Variants in MPDZ observed in about 807,000 individuals in gnomAD.
MPDZ encodes multiple PDZ domain protein.
In MPDZ, 234 loss-of-function variants were observed where a neutral mutation model predicts 239.1. The observed-to-expected ratio is 0.98, with a 90% CI of 0.88 to 1.09. The LOEUF is 1.09. Among genes scored for constraint, MPDZ ranks in the 50% least tolerant of loss-of-function variants. The pLI, the probability that MPDZ is intolerant of heterozygous loss-of-function variation, is 0.00. For missense variants in MPDZ, 3,175 were observed against 2,510.0 expected (o/e 1.26, Z -5.66); for synonymous variants, 1,048 against 881.3 (o/e 1.19, Z -3.35).
chr9:13,161,447 T>A (rs1950478806), intron 23 of MPDZ, among the ~76,000 whole-genome samples: 1 of 152,054 alleles, frequency 6.6e-6, no homozygotes, highest in African/African-American at 2.4e-5. Context: ...GGTGGACACC[T>A]GTAATCCCAG....
At chr9:13,187,519 G>T (rs1031085091) in intron 17 of MPDZ, among the ~76,000 whole-genome samples, 1 of 151,940 alleles carries the variant, frequency 6.6e-6, no homozygotes, top group Non-Finnish European at 1.5e-5. Flanking sequence ...TTACAAGCCT[G>T]GTTCGATTTC....
intron 1 of MPDZ, among the ~76,000 whole-genome samples, chr9:13,252,359 A>C (rs1242618789): frequency 1.3e-5 from 2 of 151,932 alleles, no homozygotes; most frequent in African/African-American, 4.8e-5. Flanking sequence ...CGAGGTCAGG[A>C]GATCCAGACC....
rs1959903011 is a variant in MPDZ at position 13,224,543 on chromosome 9, G to T, written c.224C>A (p.Ala75Asp). Residue 75 changes from alanine to aspartate, a missense_variant, in exon 4 of 47, where the codon GCC becomes GAC. Physicochemically the swap from Ala to Asp is moderately radical, Grantham distance 126 (BLOSUM62 -2). Coordinates refer to ENST00000319217, the MANE Select transcript of MPDZ (RefSeq NM_001378778.1). ...AGCTGGGCTGAGATGAGGAACGTGGGCATATTCAATATTTGAAGTTGCTGA... is the reference window on the plus strand; with the variant it reads ...AGCTGGGCTGAGATGAGGAACGTGGTCATATTCAATATTTGAAGTTGCTGA... ...ATSATSNIEY[A>D]HVPHLSPAVI... is the part of the protein sequence containing the mutation. 2 of 1,611,892 alleles carry T rather than the reference G, an allele frequency of 1.2e-6. No individual in the cohort carries two copies. The highest frequency in any genetic ancestry group is 1.7e-6 in the Non-Finnish European group (2 of 1,178,818).
At chr9:13,155,657 A>G (rs187145924) in intron 24 of MPDZ, among the ~76,000 whole-genome samples, 73 of 152,322 alleles carry the variant, frequency 4.8e-4, no homozygotes, top group Middle Eastern at 3.4e-3. Context: ...CTTAAAATTT[A>G]TATTTTGCTA....
chr9:13,192,327 A>C (rs1379548474), intron 14 of MPDZ, 32 bp from the exon 15 acceptor site: 14 of 1,539,596 alleles, frequency 9.1e-6, no homozygotes, highest in Non-Finnish European at 1.2e-5. Context: ...CCAACAAACA[A>C]CACTTCATAA....
intron 41 of MPDZ, 36 bp downstream of exon 41, chr9:13,113,895 A>T: frequency 6.6e-7 from 1 of 1,511,632 alleles, no homozygotes; most frequent in Non-Finnish European, 9.0e-7. Context: ...TGACAGCCAA[A>T]TTCAAACCAT....
intron 21 of MPDZ, among the ~76,000 whole-genome samples, chr9:13,175,091 T>A (rs1410536063): frequency 6.6e-6 from 1 of 152,210 alleles, no homozygotes; most frequent in Non-Finnish European, 1.5e-5. Context: ...ATTCTATTTA[T>A]CAAGAAAGAC....
At chr9:13,260,930 C>A (rs1330368810) in intron 1 of MPDZ, among the ~76,000 whole-genome samples, 1 of 152,208 alleles carries the variant, frequency 6.6e-6, no homozygotes, top group African/African-American at 2.4e-5. Context: ...GCAGGCCCTC[C>A]TCCAAGGACT....
chr9:13,192,379 A>G, intron 14 of MPDZ, 84 bp from the exon 15 acceptor site: 6 of 1,212,792 alleles, frequency 4.9e-6, no homozygotes, highest in Non-Finnish European at 7.0e-6. Context: ...TTAAATATAA[A>G]TTTTACTATA....
intron 12 of MPDZ, among the ~76,000 whole-genome samples, chr9:13,197,016 A>C (rs955980410): frequency 6.6e-6 from 1 of 151,896 alleles, no homozygotes; most frequent in Non-Finnish European, 1.5e-5. Flanking sequence ...AAAAATGTTA[A>C]AAAATTCAGA....
intron 1 of MPDZ, among the ~76,000 whole-genome samples, chr9:13,254,236 T>C (rs1483564542): frequency 6.6e-6 from 1 of 152,222 alleles, no homozygotes; most frequent in East Asian, 1.9e-4. Context: ...CAGAATTATG[T>C]ATATTAGAAA....
chr9:13,244,874 C>T (rs1007329373), intron 3 of MPDZ, among the ~76,000 whole-genome samples: 10 of 152,088 alleles, frequency 6.6e-5, no homozygotes, highest in Admixed American at 5.9e-4. Context: ...GCTGCATATA[C>T]CTCAAGCTTT....
At chr9:13,187,014 T>TTTC (rs1954202327) in intron 17 of MPDZ, among the ~76,000 whole-genome samples, 1 of 152,088 alleles carries the variant, frequency 6.6e-6, no homozygotes, top group Non-Finnish European at 1.5e-5. Flanking sequence ...ATCACAAACT[T>TTTC]GGTCACGCTG....
intron 40 of MPDZ, 74 bp from the exon 41 acceptor site, chr9:13,114,095 TTAATC>T: frequency 8.6e-7 from 1 of 1,161,428 alleles, no homozygotes; most frequent in Admixed American, 2.1e-5. Context: ...ATTTCAGAAT[TTAATC>T]TAGAGACAGA....
chr9:13,146,565 G>A (rs1460858100), intron 26 of MPDZ, among the ~76,000 whole-genome samples: 1 of 152,030 alleles, frequency 6.6e-6, no homozygotes, highest in Non-Finnish European at 1.5e-5. Flanking sequence ...CTAAAAACTA[G>A]TAAGCAGGAA....
intron 12 of MPDZ, among the ~76,000 whole-genome samples, chr9:13,201,539 G>C (rs1020235069): frequency 3.3e-5 from 5 of 151,866 alleles, no homozygotes; most frequent in African/African-American, 1.2e-4. Flanking sequence ...TCTCCTTCAG[G>C]AGTCCCTATT....
chr9:13,273,154 C>T (rs1470842144), intron 1 of MPDZ, among the ~76,000 whole-genome samples: 1 of 152,108 alleles, frequency 6.6e-6, no homozygotes, highest in African/African-American at 2.4e-5. Context: ...CTGGTACTTC[C>T]CAGCCTCCAG....
chr9:13,193,715 G>C (rs972659546), intron 13 of MPDZ, among the ~76,000 whole-genome samples: 1 of 152,158 alleles, frequency 6.6e-6, no homozygotes, highest in African/African-American at 2.4e-5. Flanking sequence ...TGTAACCAGA[G>C]ACAACGGTCT....
rs532083421 is a variant in MPDZ, at chr9:13,159,598, C to T, written c.3360-1488G>A. On this transcript the variant is annotated intron_variant, in intron 23 of 46. Coordinates refer to ENST00000319217, the MANE Select transcript of MPDZ (RefSeq NM_001378778.1). ...ACAGACAAGAATTAGAACTTAGAAACAGTCCTTAAAATATTCAGTGACAGG... is the reference window on the plus strand; with the variant it reads ...ACAGACAAGAATTAGAACTTAGAAATAGTCCTTAAAATATTCAGTGACAGG... Among the ~76,000 whole-genome samples, 15 of 152,222 alleles carry T rather than the reference C, an allele frequency of 9.9e-5. 2 individuals carry two copies. In the East Asian group the frequency reaches 2.1e-3, roughly 22 times the overall value.
Sources: gnomAD v4.1 joint callset for allele counts (sites outside exome capture counted in the v4.1 genomes callset) on GRCh38, gnomAD v4.1.1 for gene constraint, MANE v1.5 for transcripts, NCBI Gene and HGNC (gene_info 2026-07-23, HGNC 2026-07-21) for gene names.